SYT6: variants seen among roughly 807,000 people sequenced by gnomAD.
SYT6 encodes the protein synaptotagmin 6.
A neutral mutation model predicts 38.4 loss-of-function variants in SYT6; 24 were observed. That is an observed-to-expected ratio of 0.62 (90% CI 0.45 to 0.88). The LOEUF is 0.88. Among genes scored for constraint, SYT6 ranks in the 40% least tolerant of loss-of-function variants. The pLI is 0.00. For missense variants in SYT6, 611 were observed against 621.0 expected, an observed-to-expected ratio of 0.98 and a Z score of 0.17; for synonymous variants, 265 against 241.9, an observed-to-expected ratio of 1.10 and a Z score of -0.89.
At chr1:114,119,109 T>C (rs1413143209) in intron 3 of SYT6, among the ~76,000 whole-genome samples, 1 of 152,142 alleles carries the variant, frequency 6.6e-6, no homozygotes, top group Non-Finnish European at 1.5e-5. Context: ...CAGTTAGTAG[T>C]TGAAGTGTAA....
At position 114,090,189 on chromosome 1, in the gene SYT6, T is replaced by C. The variant is rs1675219904; in HGVS notation, c.*1945A>G. On this transcript the variant is annotated 3_prime_UTR_variant, in exon 8 of 8. Transcript: ENST00000610222. Reference sequence around the variant, plus strand: ...TGGGGTCAGTCTAGAGTCAGAATCATAATGAAGTCTGTCACCTGCCAGGAA... The same window carrying C: ...TGGGGTCAGTCTAGAGTCAGAATCACAATGAAGTCTGTCACCTGCCAGGAA... 1 of 152,362 alleles carries C rather than the reference T, an allele frequency of 6.6e-6. No individual in the cohort carries two copies. Among genetic ancestry groups the C allele is most frequent in the Admixed American group, 6.5e-5 (1 of 15,290 alleles). 9.4% of individuals were successfully genotyped at this position (152,362 alleles called of 1,614,324 possible).
At chr1:114,142,140 A>C (rs975923160) in intron 1 of SYT6, among the ~76,000 whole-genome samples, 3 of 152,238 alleles carry the variant, frequency 2.0e-5, no homozygotes, top group Non-Finnish European at 4.4e-5. Context: ...TAGCTGTCAT[A>C]GACAGTGATT....
chr1:114,140,713 T>C (rs1678820215), intron 1 of SYT6, among the ~76,000 whole-genome samples: 1 of 152,242 alleles, frequency 6.6e-6, no homozygotes, highest in South Asian at 2.1e-4. Flanking sequence ...TGCTTCACTT[T>C]ATTGTGCTTC....
chr1:114,143,114 G>A (rs533298105), intron 1 of SYT6, among the ~76,000 whole-genome samples: 1 of 146,656 alleles, frequency 6.8e-6, no homozygotes, highest in Admixed American at 6.8e-5. Context: ...TATACTGTGT[G>A]TATATGTATA....
chr1:114,150,620 A>G (rs1423643012), intron 1 of SYT6, among the ~76,000 whole-genome samples: 1 of 152,204 alleles, frequency 6.6e-6, no homozygotes, highest in African/African-American at 2.4e-5. Flanking sequence ...CCTTAAGTCC[A>G]GAACCCATGC....
intron 3 of SYT6, among the ~76,000 whole-genome samples, chr1:114,118,806 C>G (rs144200362): frequency 6.6e-6 from 1 of 152,220 alleles, no homozygotes; most frequent in Non-Finnish European, 1.5e-5. Flanking sequence ...CATCTCCTGT[C>G]GGTGTCAGCT....
chr1:114,108,055 G>T (rs1164317669), intron 3 of SYT6, among the ~76,000 whole-genome samples: 1 of 151,496 alleles, frequency 6.6e-6, no homozygotes, highest in African/African-American at 2.4e-5. Context: ...GGGTAGATCT[G>T]AGCTCAGTAG....
chr1:114,111,478 TAAA>T (rs1005170048), intron 3 of SYT6, among the ~76,000 whole-genome samples: 16 of 152,338 alleles, frequency 1.1e-4, no homozygotes, highest in African/African-American at 3.8e-4. Flanking sequence ...ACCTCCTCAC[TAAA>T]TGCTCCAAGA....
At chr1:114,138,706 A>T (rs374411724) in intron 2 of SYT6, among the ~76,000 whole-genome samples, 2 of 152,266 alleles carry the variant, frequency 1.3e-5, no homozygotes, top group African/African-American at 4.8e-5. Flanking sequence ...AAGCATAATC[A>T]TAAGCAATAT....
intron 3 of SYT6, among the ~76,000 whole-genome samples, chr1:114,105,459 C>CT (rs1238246242): frequency 6.7e-6 from 1 of 150,064 alleles, no homozygotes; most frequent in Non-Finnish European, 1.5e-5. Context: ...AAAGTCACCC[C>CT]CCAAATCAAA....
intron 3 of SYT6, among the ~76,000 whole-genome samples, chr1:114,134,840 T>TC (rs1050899206): frequency 2.0e-5 from 3 of 152,152 alleles, no homozygotes; most frequent in Admixed American, 2.0e-4. Flanking sequence ...ATCAGTACTG[T>TC]CCCCCATTGT....
intron 1 of SYT6, among the ~76,000 whole-genome samples, chr1:114,147,890 T>A (rs1437650903): frequency 6.6e-6 from 1 of 152,194 alleles, no homozygotes; most frequent in Admixed American, 6.5e-5. Context: ...TGTTTTGTTT[T>A]TTGGTGGAGG....
chr1:114,120,115 T>C (rs968404840), intron 3 of SYT6, among the ~76,000 whole-genome samples: 1 of 151,966 alleles, frequency 6.6e-6, no homozygotes, highest in Non-Finnish European at 1.5e-5. Flanking sequence ...CATGTATTTG[T>C]CAAAACAAAT....
At chr1:114,099,678 C>CT (rs1397136742) in intron 4 of SYT6, among the ~76,000 whole-genome samples, 10 of 152,128 alleles carry the variant, frequency 6.6e-5, no homozygotes, top group Non-Finnish European at 1.3e-4. Flanking sequence ...CTTTGAGTGG[C>CT]TTTTTTGTTT....
chr1:114,139,966 G>C lies in SYT6; in HGVS notation c.164-3C>G. On this transcript the variant is annotated splice_region_variant and splice_polypyrimidine_tract_variant and intron_variant, in intron 1 of 7. Transcript: ENST00000610222. ...TGCGAGGAGGCTGACAGAGGTGCCT[G>C]CCCTCGGCATGAGCCAGGCAGGGAG... The C allele has an allele frequency of 1.3e-6, 2 of 1,487,990 alleles. No homozygotes were observed. Among genetic ancestry groups the C allele is most frequent in the Non-Finnish European group, 1.8e-6 (2 of 1,118,710 alleles). The allele number at this position is 1,487,990 out of a possible 1,614,324, so 92.2% of individuals were successfully genotyped here.
At chr1:114,149,961 A>T (rs1196489051) in intron 1 of SYT6, among the ~76,000 whole-genome samples, 1 of 152,094 alleles carries the variant, frequency 6.6e-6, no homozygotes, top group African/African-American at 2.4e-5. Context: ...TTCAGTTCCT[A>T]AGTGTGACTC....
At chr1:114,144,251 G>C (rs573146446) in intron 1 of SYT6, among the ~76,000 whole-genome samples, 1 of 152,304 alleles carries the variant, frequency 6.6e-6, no homozygotes, top group South Asian at 2.1e-4. Context: ...CCTGTTCCCT[G>C]TCTGGCCCCT....
intron 3 of SYT6, among the ~76,000 whole-genome samples, chr1:114,112,086 C>T (rs1245015476): frequency 1.3e-5 from 2 of 152,096 alleles, no homozygotes; most frequent in Non-Finnish European, 2.9e-5. Flanking sequence ...CCTGCTTTTA[C>T]TCTCAAGTGC....
chr1:114,105,945 AGTC>A (rs1250979203), intron 3 of SYT6, among the ~76,000 whole-genome samples: 1 of 152,164 alleles, frequency 6.6e-6, no homozygotes, highest in East Asian at 1.9e-4. Context: ...GAGAGTATGC[AGTC>A]CCCACCCTCG....
Sources: allele counts gnomAD v4.1 joint callset (sites outside exome capture counted in the v4.1 genomes callset), GRCh38; gene constraint gnomAD v4.1.1; transcripts MANE v1.5; gene names NCBI Gene and HGNC (gene_info 2026-07-23, HGNC 2026-07-21).